Variants in MORC2 observed in about 807,000 individuals in gnomAD.
MORC2 encodes the protein MORC family CW-type zinc finger 2, also known as ATPase MORC2.
In MORC2, 30 loss-of-function variants were observed where a neutral mutation model predicts 136.0. That is an observed-to-expected ratio of 0.22 (90% confidence interval 0.17 to 0.30). The LOEUF (loss-of-function observed/expected upper bound fraction) is 0.30. Among genes scored for constraint, MORC2 ranks in the 10% least tolerant of loss-of-function variants. The pLI, the probability that MORC2 is intolerant of heterozygous loss-of-function variation, is 1.00. For synonymous variants in MORC2, 439 were observed against 487.0 expected (o/e 0.90, Z 1.30); for missense variants, 922 against 1,333.1 (o/e 0.69, Z 4.80).
chr22:30,934,162 T>C lies in MORC2; in HGVS notation c.2223A>G (p.Ala741=), dbSNP rs1467334667. The change falls in exon 20 of 26, where the codon GCA becomes GCG. Residue 741 remains alanine (A), a synonymous_variant. Transcript: ENST00000397641. This position sits in a 1 kb window ranked among gnomAD's most constrained non-coding sequence, Gnocchi z 4.4. Reference sequence around the variant, plus strand: ...CCTCAACTTCTTCCTCATCAGAAACTGCGACACTCCGCTTCCGACTAGGGG... The same window carrying C: ...CCTCAACTTCTTCCTCATCAGAAACCGCGACACTCCGCTTCCGACTAGGGG... ...PATPSRKRSV[A]VSDEEEVEEE... 2.5e-6 allele frequency: 4 copies of C among 1,614,006 alleles called. No individual in the cohort carries two copies. The highest frequency in any genetic ancestry group is 1.3e-5 in the African/African-American group (1 of 74,896).
At position 30,967,812 on chromosome 22, in the gene MORC2, G is replaced by A. The variant is rs1439781556; in HGVS notation, c.68+10C>T. The A allele has an allele frequency of 3.2e-6, 5 of 1,551,028 alleles. No individual in the cohort carries two copies. Among genetic ancestry groups the A allele is most frequent in the Non-Finnish European group, 3.5e-6 (4 of 1,146,994 alleles). On this transcript the variant is annotated intron_variant, in intron 1 of 25. Transcript: ENST00000397641. ...ACTGGTTACCTCAGTGGCACCTAGA[G>A]GATACTTACGAATTTGTGTGCAGAT...
intron 5 of MORC2, among the ~76,000 whole-genome samples, chr22:30,946,843 C>T (rs1013722491): frequency 6.6e-6 from 1 of 152,130 alleles, no homozygotes; most frequent in African/African-American, 2.4e-5. Context: ...AGGTGCTGTG[C>T]CCTCTGACTG....
In MORC2 at chr22:30,940,021, C is replaced by T. The variant is rs1383231363; in HGVS notation, c.925G>A (p.Ala309Thr). The T allele has an allele frequency of 6.2e-7, 1 of 1,613,674 alleles. No individual in the cohort carries two copies. The highest frequency in any genetic ancestry group is 2.2e-5 in the East Asian group (1 of 44,894). ...TCTAATGTCCGAGCTTTGCTCTCTGCCTCCCGCGCCTTCTCTTCAGCTGAA... is the reference window on the plus strand; with the variant it reads ...TCTAATGTCCGAGCTTTGCTCTCTGTCTCCCGCGCCTTCTCTTCAGCTGAA... Reference protein sequence around the residue: ...ARIAEEKAREAESKARTLEVR... With the variant: ...ARIAEEKARETESKARTLEVR... The change falls in exon 11 of 26, where the codon GCA (alanine) becomes ACA (threonine). Residue 309 changes from alanine (A) to threonine (T), a missense_variant. Transcript: ENST00000397641.
chr22:30,962,930 C>T (rs1031782926), intron 1 of MORC2, among the ~76,000 whole-genome samples: 3 of 152,118 alleles, frequency 2.0e-5, no homozygotes, highest in Non-Finnish European at 2.9e-5. Flanking sequence ...TCCAAGAGTA[C>T]ACTCATTGCT....
rs2040670571 is a variant in MORC2 at position 30,937,448 on chromosome 22, G to A, written c.1498+135C>T. On this transcript the variant is annotated intron_variant, in intron 15 of 25. Coordinates refer to ENST00000397641, the MANE Select transcript of MORC2 (RefSeq NM_001303256.3). This position sits in a 1 kb window ranked among gnomAD's most constrained non-coding sequence, Gnocchi z 4.7. ...TCAAGACTGAGCTCACAGGGCCATC[G>A]TCAAACAGACTTGGATCCCTAGGGG... The A allele has an allele frequency of 2.9e-6, 4 of 1,368,938 alleles. No individual in the cohort carries two copies. The highest frequency in any genetic ancestry group is 2.9e-5 in the African/African-American group (2 of 68,958). The allele number at this position is 1,368,938 out of a possible 1,614,324, so 84.8% of individuals were successfully genotyped here.
chr22:30,966,051 T>C (rs568309765), intron 1 of MORC2, among the ~76,000 whole-genome samples: 1 of 152,326 alleles, frequency 6.6e-6, no homozygotes, highest in Non-Finnish European at 1.5e-5. Context: ...AAATGCAAAA[T>C]AGGAATAATC....
intron 12 of MORC2, 114 bp downstream of exon 12, chr22:30,939,507 G>T: frequency 1.0e-6 from 1 of 1,003,306 alleles, no homozygotes; most frequent in Non-Finnish European, 1.5e-6. Flanking sequence ...GGAGGCATTT[G>T]ACAAGCATTT....
chr22:30,939,547 G>A lies in MORC2; in HGVS notation c.1073+74C>T. The A allele has an allele frequency of 7.5e-6, 11 of 1,460,216 alleles. No homozygotes were observed. In the South Asian group the frequency reaches 1.4e-4, roughly 18 times the overall value. 90.5% of individuals were successfully genotyped at this position (1,460,216 alleles called of 1,614,324 possible). A position where few individuals can be genotyped will look rare whatever the true frequency, so the allele number is the denominator to read the frequency against. On this transcript the variant is annotated intron_variant, in intron 12 of 25. Coordinates refer to ENST00000397641, the MANE Select transcript of MORC2 (RefSeq NM_001303256.3). ...TTAAAACAAAGCAGTCTTGGTGACAGAATAGCAACCTGTCAATAATCAGTC... is the reference window on the plus strand; with the variant it reads ...TTAAAACAAAGCAGTCTTGGTGACAAAATAGCAACCTGTCAATAATCAGTC...
chr22:30,967,007 T>A, intron 1 of MORC2: 4 of 812,194 alleles, frequency 4.9e-6, no homozygotes, highest in Non-Finnish European at 6.0e-6. Context: ...CTTCAGAGAC[T>A]GGACCATTCA....
intron 24 of MORC2, among the ~76,000 whole-genome samples, chr22:30,928,908 T>C (rs931099533): frequency 5.3e-5 from 8 of 152,338 alleles, no homozygotes; most frequent in Middle Eastern, 3.4e-3. Context: ...ATTTATAACA[T>C]GACTTACTCG....
At chr22:30,952,218 G>T (rs1462526546) in intron 3 of MORC2, among the ~76,000 whole-genome samples, 2 of 152,176 alleles carry the variant, frequency 1.3e-5, no homozygotes, top group East Asian at 3.8e-4. Flanking sequence ...ACTGGGTCAG[G>T]TACAGAGAAT....
intron 1 of MORC2, among the ~76,000 whole-genome samples, chr22:30,962,868 A>C (rs1368224261): frequency 6.6e-6 from 1 of 152,252 alleles, no homozygotes; most frequent in Admixed American, 6.5e-5. Flanking sequence ...TCTTAAAATC[A>C]TAAGAATCAA....
intron 1 of MORC2, among the ~76,000 whole-genome samples, chr22:30,962,832 T>C (rs1358889284): frequency 2.6e-5 from 4 of 152,230 alleles, no homozygotes; most frequent in Non-Finnish European, 5.9e-5. Context: ...ATCTTCCAGA[T>C]GCTAAAATCA....
At chr22:30,933,660 G>T in intron 20 of MORC2, 140 bp from the exon 21 acceptor site, 1 of 805,754 alleles carries the variant, frequency 1.2e-6, no homozygotes, top group Non-Finnish European at 2.0e-6. Context: ...CCCGTTGAGA[G>T]CCACACTCCA....
intron 1 of MORC2, among the ~76,000 whole-genome samples, chr22:30,962,380 C>A (rs897401495): frequency 6.6e-6 from 1 of 151,654 alleles, no homozygotes; most frequent in Admixed American, 6.6e-5. Context: ...CTGGGCAACA[C>A]GGCAAAACCC....
intron 1 of MORC2, among the ~76,000 whole-genome samples, chr22:30,959,592 T>C (rs528207202): frequency 9.2e-5 from 14 of 152,232 alleles, no homozygotes; most frequent in African/African-American, 3.4e-4. Context: ...TTTTCCACAA[T>C]AGTCCTCATG....
At chr22:30,959,609 C>T (rs1031469974) in intron 1 of MORC2, among the ~76,000 whole-genome samples, 1 of 151,964 alleles carries the variant, frequency 6.6e-6, no homozygotes, top group African/African-American at 2.4e-5. Flanking sequence ...CATGAGATAT[C>T]AAATTAGGAT....
Position 30,934,675 on chromosome 22 carries a change from A to G in MORC2, c.2193+106T>C. ...CTCAGGGGCAGCAGCAAAGCTTTAG[A>G]TTCAGTATCTTCCGAAGGCTCCCCC... On this transcript the variant is annotated intron_variant, in intron 19 of 25. Transcript: ENST00000397641. The surrounding 1 kb of genome is among the most constrained non-coding windows in gnomAD (Gnocchi z 4.4). 1 of 1,456,286 alleles carries G rather than the reference A, an allele frequency of 6.9e-7. No individual in the cohort carries two copies. The highest frequency in any genetic ancestry group is 1.3e-5 in the South Asian group (1 of 76,366). The allele number at this position is 1,456,286 out of a possible 1,614,324, so 90.2% of individuals were successfully genotyped here.
chr22:30,950,353 C>CAAAAAAAAAAA, intron 4 of MORC2, 24 bp downstream of exon 4: 8 of 1,481,908 alleles, frequency 5.4e-6, no homozygotes, highest in African/African-American at 2.8e-5. Flanking sequence ...CCCCACCCCC[C>CAAAAAAAAAAA]AAAACAATAA....
Sources: allele counts gnomAD v4.1 joint callset (sites outside exome capture counted in the v4.1 genomes callset), GRCh38; gene constraint gnomAD v4.1.1; non-coding constraint Gnocchi (gnomAD v3.1); transcripts MANE v1.5; gene names NCBI Gene and HGNC (gene_info 2026-07-23, HGNC 2026-07-21).